Variants in HDAC9 observed in about 807,000 individuals in gnomAD.
HDAC9 encodes the protein MEF-2 interacting transcription repressor (MITR) protein.
HDAC9 carries 41 observed loss-of-function variants against 139.4 expected under a neutral mutation model. The ratio of observed to expected loss-of-function variants is 0.29; its 90% CI spans 0.23 to 0.38. The LOEUF (loss-of-function observed/expected upper bound fraction) is 0.38. Among genes scored for constraint, HDAC9 ranks in the 10% least tolerant of loss-of-function variants. The probability of loss-of-function intolerance (pLI) is 1.00; values close to 1 mark genes in which losing one functional copy is unlikely to be tolerated. For missense variants in HDAC9, 1,147 were observed against 1,297.0 expected (o/e 0.88, Z 1.78); for synonymous variants, 517 against 476.2 (o/e 1.09, Z -1.12).
At chr7:18,507,397 G>T (rs1473204746) in intron 2 of HDAC9, among the ~76,000 whole-genome samples, 1 of 151,670 alleles carries the variant, frequency 6.6e-6, no homozygotes, top group Admixed American at 6.6e-5. Flanking sequence ...GTTTCACCAT[G>T]TTAGACAGGA....
chr7:18,631,952 T>A (rs1349797976), intron 7 of HDAC9, among the ~76,000 whole-genome samples: 2 of 151,930 alleles, frequency 1.3e-5, no homozygotes, highest in African/African-American at 4.8e-5. Context: ...ATCACAGTGA[T>A]TTCTACATAA....
At chr7:18,660,963 G>T (rs981221916) in intron 11 of HDAC9, among the ~76,000 whole-genome samples, 1 of 152,072 alleles carries the variant, frequency 6.6e-6, no homozygotes, top group Non-Finnish European at 1.5e-5. Flanking sequence ...TCTAAGCAGA[G>T]AATTAATGTT....
chr7:18,491,767 C>T (rs1586264052), upstream of HDAC9, among the ~76,000 whole-genome samples: 1 of 151,970 alleles, frequency 6.6e-6, no homozygotes. Flanking sequence ...AGTTCTCAGA[C>T]AGAAACCAGT....
intron 1 of HDAC9, among the ~76,000 whole-genome samples, chr7:18,417,070 G>A (rs962523754): frequency 5.3e-5 from 8 of 151,956 alleles, no homozygotes; most frequent in Non-Finnish European, 1.0e-4. Flanking sequence ...CTCCAGTTAC[G>A]AATATATTAG....
At chr7:18,418,424 CAA>C (rs59702600) in intron 1 of HDAC9, among the ~76,000 whole-genome samples, 8,367 of 76,866 alleles carry the variant, frequency 0.11, 435 homozygotes, top group East Asian at 0.28. Flanking sequence ...GTATACAAAC[CAA>C]AAAAAAAAAA....
intron 12 of HDAC9, among the ~76,000 whole-genome samples, chr7:18,727,226 C>T (rs1486805111): frequency 6.6e-6 from 1 of 152,124 alleles, no homozygotes; most frequent in African/African-American, 2.4e-5. Flanking sequence ...TGTGGCAGTT[C>T]TGGGGCTGTA....
intron 19 of HDAC9, among the ~76,000 whole-genome samples, chr7:18,829,764 A>G (rs1795723129): frequency 6.6e-6 from 1 of 152,344 alleles, no homozygotes; most frequent in Middle Eastern, 3.4e-3. Flanking sequence ...ATTTAATGAG[A>G]AGAAGGCGCA....
At chr7:18,854,898 C>T (rs1472820468) in intron 21 of HDAC9, among the ~76,000 whole-genome samples, 1 of 152,030 alleles carries the variant, frequency 6.6e-6, no homozygotes, top group Admixed American at 6.6e-5. Context: ...GTACTTAAAC[C>T]CCCAAGGTAG....
At chr7:18,576,940 A>AG (rs1477874385) in intron 2 of HDAC9, among the ~76,000 whole-genome samples, 1 of 152,204 alleles carries the variant, frequency 6.6e-6, no homozygotes, top group African/African-American at 2.4e-5. Context: ...GCAGTGAGAG[A>AG]GAAAAAGAGA....
At chr7:18,765,577 C>G (rs558972598) in intron 15 of HDAC9, among the ~76,000 whole-genome samples, 1 of 152,136 alleles carries the variant, frequency 6.6e-6, no homozygotes, top group South Asian at 2.1e-4. Context: ...TGCACTCTAG[C>G]CTAAGCAACA....
At chr7:18,358,989 C>G (rs564560696) in intron 1 of HDAC9, among the ~76,000 whole-genome samples, 1 of 152,312 alleles carries the variant, frequency 6.6e-6, no homozygotes, top group East Asian at 1.9e-4. Flanking sequence ...AATCGTAGGA[C>G]TAATATTTCA....
chr7:18,686,274 C>T lies in HDAC9; in HGVS notation c.1731+19798C>T, dbSNP rs116831031. On this transcript the variant is annotated intron_variant, in intron 12 of 25. Transcript: ENST00000686413. ...TAACTTTTCAACCAAGTCTTCTTTA[C>T]TCCCTCCAATTATTTTCATGGTAAT... Among the ~76,000 whole-genome samples, 572 of 152,110 alleles carry T rather than the reference C, an allele frequency of 3.8e-3. 3 individuals are homozygous for T. Among genetic ancestry groups the T allele is most frequent in the Middle Eastern group, 0.014 (4 of 294 alleles).
At chr7:18,184,126 C>T (rs963658148) in intron 2 of HDAC9, among the ~76,000 whole-genome samples, 10 of 152,120 alleles carry the variant, frequency 6.6e-5, no homozygotes, top group African/African-American at 1.9e-4. Flanking sequence ...TGGCCGGGCG[C>T]GGCAGCTCAT....
chr7:18,522,617 CAA>C (rs545270372), intron 2 of HDAC9, among the ~76,000 whole-genome samples: 1 of 130,418 alleles, frequency 7.7e-6, no homozygotes, highest in African/African-American at 2.8e-5. Context: ...AAACAAAAAA[CAA>C]AAAAAAAAAC....
chr7:18,548,472 A>G (rs754452728), intron 2 of HDAC9, among the ~76,000 whole-genome samples: 1 of 152,330 alleles, frequency 6.6e-6, no homozygotes, highest in Admixed American at 6.5e-5. Context: ...AAAAATATCT[A>G]CAAAGCACAA....
intron 1 of HDAC9, among the ~76,000 whole-genome samples, chr7:18,430,912 A>T (rs1258158670): frequency 6.6e-6 from 1 of 152,150 alleles, no homozygotes; most frequent in Admixed American, 6.5e-5. Context: ...CAAACAAAAC[A>T]AAACTAAACC....
intron 2 of HDAC9, among the ~76,000 whole-genome samples, chr7:18,186,886 A>T (rs1789957556): frequency 6.6e-6 from 1 of 152,220 alleles, no homozygotes; most frequent in Admixed American, 6.5e-5. Context: ...TCTCTTTAAC[A>T]TGCAGAATAA....
At chr7:18,825,701 T>A (rs1795373073) in intron 17 of HDAC9, among the ~76,000 whole-genome samples, 1 of 149,302 alleles carries the variant, frequency 6.7e-6, no homozygotes, top group Non-Finnish European at 1.5e-5. Context: ...AAAGATTTTA[T>A]ATATATATAA....
intron 2 of HDAC9, among the ~76,000 whole-genome samples, chr7:18,524,423 G>C (rs1224375066): frequency 6.6e-6 from 1 of 152,166 alleles, no homozygotes; most frequent in African/African-American, 2.4e-5. Flanking sequence ...TTGTGATGAG[G>C]CCTGCAGTCA....
Sources: gnomAD v4.1 joint callset for allele counts (sites outside exome capture counted in the v4.1 genomes callset) on GRCh38, gnomAD v4.1.1 for gene constraint, MANE v1.5 for transcripts, NCBI Gene and HGNC (gene_info 2026-07-23, HGNC 2026-07-21) for gene names.